Variants in DLG2 observed in about 807,000 individuals in gnomAD.
DLG2 encodes discs large MAGUK scaffold protein 2, also known as disks large homolog 2.
A neutral mutation model predicts 132.5 loss-of-function variants in DLG2; 45 were observed. The observed-to-expected ratio is 0.34, with a 90% confidence interval of 0.27 to 0.44. The LOEUF (loss-of-function observed/expected upper bound fraction) is 0.44. DLG2 is among the 20% of genes least tolerant of loss of function. The pLI is 1.00. For missense variants in DLG2, 1,045 were observed against 1,196.9 expected, an observed-to-expected ratio of 0.87 and a Z score of 1.87; for synonymous variants, 424 against 419.6, an observed-to-expected ratio of 1.01 and a Z score of -0.13.
chr11:84,796,825 TA>T (rs2074683478), intron 6 of DLG2, among the ~76,000 whole-genome samples: 1 of 150,744 alleles, frequency 6.6e-6, no homozygotes, highest in Non-Finnish European at 1.5e-5. Context: ...TATGATTTTT[TA>T]TTTTTTATTA....
intron 3 of DLG2, among the ~76,000 whole-genome samples, chr11:85,481,328 A>T (rs2093283975): frequency 6.6e-6 from 1 of 152,218 alleles, no homozygotes; most frequent in South Asian, 2.1e-4. Flanking sequence ...TGTCTCTCCC[A>T]CAGAAACATC....
chr11:84,417,680 T>C (rs1024833498), intron 7 of DLG2, among the ~76,000 whole-genome samples: 1 of 152,184 alleles, frequency 6.6e-6, no homozygotes, highest in African/African-American at 2.4e-5. Flanking sequence ...AGATGTCATC[T>C]CACAGCCTAT....
chr11:84,047,690 A>G (rs1370610977), intron 11 of DLG2, among the ~76,000 whole-genome samples: 2 of 151,764 alleles, frequency 1.3e-5, no homozygotes, highest in East Asian at 3.9e-4. Flanking sequence ...AATTTGTTCA[A>G]GGAGCCATTG....
At chr11:83,862,458 G>A (rs75769397) in intron 16 of DLG2, among the ~76,000 whole-genome samples, 25,946 of 151,844 alleles carry the variant, frequency 0.17, 2,719 homozygotes, top group Middle Eastern at 0.36. Flanking sequence ...GCAGTGGTGG[G>A]GGAAATATTG....
chr11:84,596,233 G>T (rs1380217638), intron 6 of DLG2, among the ~76,000 whole-genome samples: 1 of 148,844 alleles, frequency 6.7e-6, no homozygotes, highest in African/African-American at 2.5e-5. Context: ...TCTTGACGGA[G>T]CTTTGCTCTT....
At chr11:83,632,836 G>A (rs2063803847) in intron 19 of DLG2, 1 of 201,200 alleles carries the variant, frequency 5.0e-6, no homozygotes, top group Non-Finnish European at 1.0e-5. Context: ...CAGGTTAGGA[G>A]ATAATACAGG....
intron 6 of DLG2, among the ~76,000 whole-genome samples, chr11:84,572,233 T>C (rs2099487055): frequency 1.3e-5 from 2 of 152,190 alleles, no homozygotes; most frequent in South Asian, 2.1e-4. Flanking sequence ...TCTGATGTTG[T>C]AGATTACAAA....
At chr11:84,634,742 T>C (rs1249478706) in intron 6 of DLG2, among the ~76,000 whole-genome samples, 1 of 152,202 alleles carries the variant, frequency 6.6e-6, no homozygotes, top group Non-Finnish European at 1.5e-5. Flanking sequence ...TAAATGTCAC[T>C]CTCCTTCCCT....
chr11:84,624,519 TAGG>T (rs1033440009), intron 6 of DLG2, among the ~76,000 whole-genome samples: 1 of 152,172 alleles, frequency 6.6e-6, no homozygotes, highest in African/African-American at 2.4e-5. Flanking sequence ...TAACTCCTAC[TAGG>T]AGTTCTCATA....
chr11:85,615,380 T>C (rs1402606814), intron 2 of DLG2, among the ~76,000 whole-genome samples: 1 of 151,826 alleles, frequency 6.6e-6, no homozygotes, highest in African/African-American at 2.4e-5. Context: ...TAGCTGGGCA[T>C]GTGGTGGGTG....
chr11:84,257,679 ATTTTTTTT>A (rs1172548999), intron 7 of DLG2, among the ~76,000 whole-genome samples: 4 of 105,916 alleles, frequency 3.8e-5, no homozygotes, highest in Non-Finnish European at 7.6e-5. Context: ...TTATCTCTGG[ATTTTTTTT>A]TTTTTTTTTT....
At chr11:85,567,973 C>T (rs1432702008) in intron 3 of DLG2, among the ~76,000 whole-genome samples, 1 of 151,036 alleles carries the variant, frequency 6.6e-6, no homozygotes, top group Admixed American at 6.6e-5. Flanking sequence ...TGGAATAAAT[C>T]TCAATCCCTC....
Position 83,787,332 on chromosome 11 carries a change from T to G in DLG2, c.1723-540A>C, listed in dbSNP as rs576372870. Among the ~76,000 whole-genome samples the G allele has an allele frequency of 3.7e-5, 4 of 109,140 alleles. 1 individual carries two copies. Among genetic ancestry groups the G allele is most frequent in the African/African-American group, 1.2e-4 (3 of 25,110 alleles). The allele number at this position is 109,140 out of a possible 152,430, so 71.6% of individuals were successfully genotyped here. Reference sequence around the variant, plus strand: ...GCCTTGTTTTTTTTTTGTTTTTTTTTTTTTTTTTAGACAGAGTCTCGCTCT... The same window carrying G: ...GCCTTGTTTTTTTTTTGTTTTTTTTGTTTTTTTTAGACAGAGTCTCGCTCT... On this transcript the variant is annotated intron_variant, in intron 17 of 27. Transcript: ENST00000376104.
At position 84,692,169 on chromosome 11, in the gene DLG2, A is replaced by C. The variant is rs545422101; in HGVS notation, c.358-157438T>G. 2.6e-5 allele frequency among the ~76,000 whole-genome samples: 4 copies of C among 151,898 alleles called. No individual in the cohort carries two copies. The East Asian group carries it at 7.8e-4, about 29-fold the overall frequency. ...TGAATTAATGAATGTGAGCCTACTT[A>C]AAATTCCCCAAACTCAGGACTCATT... On this transcript the variant is annotated intron_variant, in intron 6 of 27. Coordinates refer to ENST00000376104, the MANE Select transcript of DLG2 (RefSeq NM_001142699.3).
chr11:83,911,594 T>C (rs2076059719), intron 15 of DLG2, among the ~76,000 whole-genome samples: 1 of 152,142 alleles, frequency 6.6e-6, no homozygotes, highest in Non-Finnish European at 1.5e-5. Flanking sequence ...GTCCATCTCA[T>C]GTGTTACTGC....
At chr11:83,850,160 G>GTGTGTGTGTGTGTGTTT (rs1452960432) in intron 16 of DLG2, among the ~76,000 whole-genome samples, 2 of 124,300 alleles carry the variant, frequency 1.6e-5, no homozygotes, top group African/African-American at 7.2e-5. Context: ...GTGTGTGTGT[G>GTGTGTGTGTGTGTGTTT]TTTTTTTACT....
At chr11:85,215,406 A>C (rs1235042376) in intron 4 of DLG2, among the ~76,000 whole-genome samples, 23 of 152,218 alleles carry the variant, frequency 1.5e-4, no homozygotes, top group Admixed American at 1.5e-3. Context: ...TATGAAGAAC[A>C]CATTCTGTGT....
intron 21 of DLG2, among the ~76,000 whole-genome samples, chr11:83,498,288 G>A (rs2094258769): frequency 6.6e-6 from 1 of 151,916 alleles, no homozygotes; most frequent in Admixed American, 6.6e-5. Context: ...ATAAATAGAA[G>A]CCAATTTTAA....
At chr11:85,393,106 C>A (rs998828740) in intron 3 of DLG2, among the ~76,000 whole-genome samples, 1 of 151,994 alleles carries the variant, frequency 6.6e-6, no homozygotes, top group Non-Finnish European at 1.5e-5. Context: ...CCACAATCTA[C>A]AAGAAACTCA....
Sources: allele counts gnomAD v4.1 joint callset (sites outside exome capture counted in the v4.1 genomes callset), GRCh38; gene constraint gnomAD v4.1.1; transcripts MANE v1.5; gene names NCBI Gene and HGNC (gene_info 2026-07-23, HGNC 2026-07-21).